The following FOXJ3 variants were observed in gnomAD, a reference collection of about 807,000 sequenced individuals.
The protein encoded by FOXJ3 is forkhead box J3, also known as forkhead box protein J3.
In FOXJ3, 22 loss-of-function variants were observed where a neutral mutation model predicts 76.1. That is an observed-to-expected ratio of 0.29 (90% CI 0.21 to 0.41). FOXJ3 has a LOEUF of 0.41. Ranked by LOEUF, FOXJ3 falls within the 10% of genes least tolerant of loss-of-function variation. The pLI is 1.00. For missense variants in FOXJ3, 613 were observed against 762.1 expected, an observed-to-expected ratio of 0.80 and a Z score of 2.30; for synonymous variants, 269 against 261.2, an observed-to-expected ratio of 1.03 and a Z score of -0.29.
At chr1:42,193,147 T>C (rs547697453) in intron 8 of FOXJ3, among the ~76,000 whole-genome samples, 94 of 152,166 alleles carry the variant, frequency 6.2e-4, no homozygotes, top group African/African-American at 2.0e-3. Context: ...ATAAGTATAA[T>C]ATAGTTTTTT....
At chr1:42,260,225 G>C (rs922504850) in intron 4 of FOXJ3, among the ~76,000 whole-genome samples, 2 of 151,854 alleles carry the variant, frequency 1.3e-5, no homozygotes, top group Admixed American at 6.6e-5. Context: ...AACCTCTCCA[G>C]TTTTTCTACA....
At chr1:42,220,321 C>T (rs1167191934) in intron 5 of FOXJ3, among the ~76,000 whole-genome samples, 1 of 152,118 alleles carries the variant, frequency 6.6e-6, no homozygotes, top group Non-Finnish European at 1.5e-5. Context: ...TGCACATACA[C>T]ACTTGAAAAG....
intron 6 of FOXJ3, among the ~76,000 whole-genome samples, chr1:42,200,091 G>A (rs1160808156): frequency 2.6e-5 from 4 of 151,200 alleles, no homozygotes; most frequent in Non-Finnish European, 5.9e-5. Flanking sequence ...TGACCTCATG[G>A]ACTCTCTACA....
intron 5 of FOXJ3, among the ~76,000 whole-genome samples, chr1:42,211,514 C>T (rs1646965598): frequency 6.6e-6 from 1 of 152,036 alleles, no homozygotes; most frequent in Admixed American, 6.5e-5. Flanking sequence ...CAACCTCTGC[C>T]AAGGCTGGGA....
At chr1:42,241,033 A>T (rs1465589465) in intron 4 of FOXJ3, among the ~76,000 whole-genome samples, 2 of 152,238 alleles carry the variant, frequency 1.3e-5, no homozygotes, top group Non-Finnish European at 2.9e-5. Flanking sequence ...CACCTGAGGC[A>T]GGGAAGGAGG....
At chr1:42,184,130 T>G (rs1234327405) in intron 11 of FOXJ3, among the ~76,000 whole-genome samples, 2 of 152,100 alleles carry the variant, frequency 1.3e-5, no homozygotes, top group Admixed American at 6.5e-5. Flanking sequence ...CTAGTGTACT[T>G]TGTAAAGACT....
chr1:42,192,765 A>T (rs182152614), intron 8 of FOXJ3, among the ~76,000 whole-genome samples: 8 of 142,952 alleles, frequency 5.6e-5, no homozygotes, highest in Admixed American at 5.4e-4. Flanking sequence ...TATTGAATGA[A>T]AAAAAAAAAC....
chr1:42,207,120 G>T (rs1259149606), intron 5 of FOXJ3, among the ~76,000 whole-genome samples: 5 of 152,174 alleles, frequency 3.3e-5, no homozygotes, highest in African/African-American at 1.2e-4. Flanking sequence ...GAGTCATCAT[G>T]CCCAGCCAGT....
intron 4 of FOXJ3, among the ~76,000 whole-genome samples, chr1:42,248,586 T>TA (rs1053904171): frequency 4.6e-5 from 7 of 150,688 alleles, no homozygotes; most frequent in Non-Finnish European, 8.9e-5. Context: ...TTTTTCTCAA[T>TA]AAAAAACATT....
intron 4 of FOXJ3, among the ~76,000 whole-genome samples, chr1:42,230,014 A>G (rs1647939207): frequency 6.6e-6 from 1 of 152,188 alleles, no homozygotes; most frequent in African/African-American, 2.4e-5. Context: ...TACAAAAACA[A>G]ATAGATAACT....
chr1:42,229,355 G>C (rs546202231), intron 4 of FOXJ3, among the ~76,000 whole-genome samples: 1 of 152,218 alleles, frequency 6.6e-6, no homozygotes, highest in East Asian at 1.9e-4. Flanking sequence ...TATATCCACA[G>C]TGCCAGTCAC....
At chr1:42,198,564 T>C (rs1001899048) in intron 7 of FOXJ3, among the ~76,000 whole-genome samples, 45 of 152,312 alleles carry the variant, frequency 3.0e-4, no homozygotes, top group African/African-American at 1.1e-3. Context: ...CATGTTCTTG[T>C]AATAGGTAAC....
intron 5 of FOXJ3, among the ~76,000 whole-genome samples, chr1:42,224,076 A>AGC (rs1239068670): frequency 6.6e-6 from 1 of 152,248 alleles, no homozygotes; most frequent in African/African-American, 2.4e-5. Flanking sequence ...TTTGACTTTT[A>AGC]GCCTCTTACT....
At position 42,239,379 on chromosome 1, in the gene FOXJ3, T is replaced by G. The variant is rs139671488; in HGVS notation, c.445-11413A>C. 2.6e-5 allele frequency among the ~76,000 whole-genome samples: 4 copies of G among 152,334 alleles called. 1 individual carries two copies. Among genetic ancestry groups the G allele is most frequent in the African/African-American group, 9.6e-5 (4 of 41,584 alleles). ...ACTGTAGATTTTTCATAAATGCGTCTCATCAAGTTAAGGAAATTCTCTTTT... is the reference window on the plus strand; with the variant it reads ...ACTGTAGATTTTTCATAAATGCGTCGCATCAAGTTAAGGAAATTCTCTTTT... On this transcript the variant is annotated intron_variant, in intron 4 of 12. Coordinates refer to ENST00000361346, the MANE Select transcript of FOXJ3 (RefSeq NM_014947.5).
At chr1:42,230,912 A>T (rs906589293) in intron 4 of FOXJ3, among the ~76,000 whole-genome samples, 2 of 152,212 alleles carry the variant, frequency 1.3e-5, no homozygotes, top group Non-Finnish European at 2.9e-5. Context: ...TCATAGTAAT[A>T]TTACTCACAA....
At chr1:42,221,870 TG>T (rs994762604) in intron 5 of FOXJ3, among the ~76,000 whole-genome samples, 10 of 139,256 alleles carry the variant, frequency 7.2e-5, no homozygotes, top group Non-Finnish European at 3.1e-5. Flanking sequence ...CCCAGTACTT[TG>T]GGGGGCCAAG....
chr1:42,223,821 T>C (rs532248095), intron 5 of FOXJ3, among the ~76,000 whole-genome samples: 18 of 152,316 alleles, frequency 1.2e-4, no homozygotes, highest in East Asian at 3.9e-4. Flanking sequence ...TTTGATTCAG[T>C]GTTGTAGTCT....
intron 1 of FOXJ3, among the ~76,000 whole-genome samples, chr1:42,326,009 C>G (rs181747369): frequency 9.9e-5 from 15 of 152,252 alleles, no homozygotes; most frequent in African/African-American, 3.1e-4. Context: ...ACCTGTAATC[C>G]CAGCACTTTG....
At chr1:42,246,065 G>C in intron 4 of FOXJ3, among the ~76,000 whole-genome samples, 1 of 151,956 alleles carries the variant, frequency 6.6e-6, no homozygotes, top group Admixed American at 6.6e-5. Flanking sequence ...ACTACTAGAA[G>C]AAACACAGGG....
Sources: gnomAD v4.1 joint callset for allele counts (sites outside exome capture counted in the v4.1 genomes callset) on GRCh38, gnomAD v4.1.1 for gene constraint, MANE v1.5 for transcripts, NCBI Gene and HGNC (gene_info 2026-07-23, HGNC 2026-07-21) for gene names.